Variants in SCN7A observed in about 807,000 individuals in gnomAD.
SCN7A encodes sodium voltage-gated channel alpha subunit 7, also known as sodium channel protein type 7 subunit alpha.
In SCN7A, 138 loss-of-function variants were observed where a neutral mutation model predicts 155.2. The observed-to-expected ratio is 0.89, with a 90% CI of 0.77 to 1.02. The LOEUF (loss-of-function observed/expected upper bound fraction) is 1.02. SCN7A is among the 50% of genes least tolerant of loss of function. The pLI is 0.00. For synonymous variants in SCN7A, 693 were observed against 649.0 expected, an observed-to-expected ratio of 1.07 and a Z score of -1.03; for missense variants, 2,058 against 1,986.6, an observed-to-expected ratio of 1.04 and a Z score of -0.68.
intron 19 of SCN7A, 109 bp downstream of exon 19, chr2:166,423,150 T>C: frequency 9.5e-7 from 1 of 1,057,872 alleles, no homozygotes; most frequent in South Asian, 1.6e-5. Flanking sequence ...ACCAACAATG[T>C]AGAGAGAGAG....
intron 15 of SCN7A, among the ~76,000 whole-genome samples, chr2:166,439,032 C>T (rs1192199555): frequency 7.5e-5 from 8 of 106,976 alleles, no homozygotes; most frequent in African/African-American, 2.4e-4. Flanking sequence ...CATACACACA[C>T]ATACATATAT....
At chr2:166,409,596 A>C in intron 25 of SCN7A, 69 bp downstream of exon 25, 1 of 1,183,486 alleles carries the variant, frequency 8.4e-7, no homozygotes, top group Non-Finnish European at 1.2e-6. Context: ...ACTATATTTC[A>C]TATTTACTGT....
At chr2:166,476,195 C>T (rs949107061) in intron 3 of SCN7A, among the ~76,000 whole-genome samples, 1 of 151,790 alleles carries the variant, frequency 6.6e-6, no homozygotes, top group Non-Finnish European at 1.5e-5. Context: ...ATACTGCAGT[C>T]ATTTAAGTTA....
chr2:166,429,299 A>C lies in SCN7A; in HGVS notation c.2593-25T>G, dbSNP rs747580124. The C allele has an allele frequency of 9.9e-6, 14 of 1,409,858 alleles. 1 individual carries two copies. In the South Asian group the frequency reaches 1.9e-4, roughly 19 times the overall value. 87.3% of individuals were successfully genotyped at this position (1,409,858 alleles called of 1,614,324 possible). A position where few individuals can be genotyped will look rare whatever the true frequency, so the allele number is the denominator to read the frequency against. On this transcript the variant is annotated intron_variant, in intron 16 of 25. Transcript: ENST00000643258. ...TCTAAAAGGTGAAGTCCCACCAAAA[A>C]AGTTGTGATTAAAGTTTCATTTACC...
In SCN7A at chr2:166,473,815, A is replaced by AT; in HGVS notation, c.426dup (p.Trp143MetfsTer16). 1 of 1,520,202 alleles carries AT rather than the reference A, an allele frequency of 6.6e-7. No individual in the cohort carries two copies. The highest frequency in any genetic ancestry group is 9.0e-7 in the Non-Finnish European group (1 of 1,117,296). The allele number at this position is 1,520,202 out of a possible 1,614,324, so 94.2% of individuals were successfully genotyped here. ...ATAACATACTCTAATACTGGTCTCCATTTTGGCAAATTAGTCAGGGACATG... is the reference window on the plus strand; with the variant it reads ...ATAACATACTCTAATACTGGTCTCCATTTTTGGCAAATTAGTCAGGGACATG... On this transcript the variant is annotated frameshift_variant, in exon 5 of 26. Transcript: ENST00000643258. LOFTEE classifies it high-confidence loss of function.
At chr2:166,436,810 C>T (rs10178010) in intron 15 of SCN7A, among the ~76,000 whole-genome samples, 16,639 of 152,096 alleles carry the variant, frequency 0.11, 1,198 homozygotes, top group African/African-American at 0.19. Context: ...TTTAGCTGTG[C>T]TTTAGCAAAG....
chr2:166,414,313 C>A (rs550049348), intron 21 of SCN7A, among the ~76,000 whole-genome samples: 7 of 62,422 alleles, frequency 1.1e-4, no homozygotes, highest in African/African-American at 4.9e-4. Context: ...TATATATATA[C>A]ACATATATAT....
intron 11 of SCN7A, among the ~76,000 whole-genome samples, chr2:166,453,117 C>T (rs996989769): frequency 6.6e-6 from 1 of 151,964 alleles, no homozygotes. Flanking sequence ...ATTTTAATAT[C>T]TTGTTTAATA....
chr2:166,466,385 A>G (rs181060009), intron 7 of SCN7A, among the ~76,000 whole-genome samples: 7 of 152,280 alleles, frequency 4.6e-5, no homozygotes, highest in Non-Finnish European at 1.0e-4. Flanking sequence ...CAGCAGTATT[A>G]TATGTTATTC....
In SCN7A at chr2:166,405,468, A is replaced by C. The variant is rs1051388802; in HGVS notation, c.*112T>G. ...AAGTCTTGTGAATACAAGCTTAATT[A>C]CCATCGGTTGTAAAGAACTGATTAT... On this transcript the variant is annotated 3_prime_UTR_variant, in exon 26 of 26. Coordinates refer to ENST00000643258, the MANE Select transcript of SCN7A (RefSeq NM_002976.4). 1.9e-5 allele frequency: 15 copies of C among 786,186 alleles called. No homozygotes were observed. In the African/African-American group the frequency reaches 2.6e-4, roughly 14 times the overall value. The allele number at this position is 786,186 out of a possible 1,614,324, so 48.7% of individuals were successfully genotyped here. A position where few individuals can be genotyped will look rare whatever the true frequency, so the allele number is the denominator to read the frequency against.
At chr2:166,436,327 T>C (rs935320335) in intron 15 of SCN7A, 1 of 374,480 alleles carries the variant, frequency 2.7e-6, no homozygotes, top group African/African-American at 2.1e-5. Flanking sequence ...TCTGATGGTT[T>C]TATAAGGGGC....
chr2:166,424,720 A>T (rs1701586001), intron 18 of SCN7A, among the ~76,000 whole-genome samples: 2 of 152,092 alleles, frequency 1.3e-5, no homozygotes, highest in African/African-American at 4.8e-5. Context: ...GATTTAACAC[A>T]TTATATCTAT....
intron 12 of SCN7A, among the ~76,000 whole-genome samples, chr2:166,445,765 C>G (rs965418827): frequency 2.6e-5 from 4 of 152,044 alleles, no homozygotes; most frequent in African/African-American, 9.7e-5. Context: ...TCGACAAAAA[C>G]AAGCGATGGG....
chr2:166,475,298 CAAT>C (rs1018595191), intron 3 of SCN7A, among the ~76,000 whole-genome samples: 70 of 148,284 alleles, frequency 4.7e-4, no homozygotes, highest in African/African-American at 1.5e-3. Context: ...TACTGAAACA[CAAT>C]AAATTATAGT....
rs1559081824 is a variant in SCN7A at position 166,405,626 on chromosome 2, T to C, written c.5003A>G (p.Tyr1668Cys). ...RDVHATKEGA[Y>C]FDKAKEKSPI... Reference sequence around the variant, plus strand: ...TGACTTTTCCTTAGCTTTGTCAAAATAGGCACCTTCTTTAGTAGCATGAAC... The same window carrying C: ...TGACTTTTCCTTAGCTTTGTCAAAACAGGCACCTTCTTTAGTAGCATGAAC... The change falls in exon 26 of 26, where the codon TAT (tyrosine) becomes TGT (cysteine). Residue 1668 changes from tyrosine to cysteine, a missense_variant. Coordinates refer to ENST00000643258, the MANE Select transcript of SCN7A (RefSeq NM_002976.4). The C allele has an allele frequency of 1.9e-6, 3 of 1,607,024 alleles. No individual in the cohort carries two copies. Among genetic ancestry groups the C allele is most frequent in the East Asian group, 4.5e-5 (2 of 44,788 alleles).
In SCN7A at chr2:166,406,778, A is replaced by G. The variant is rs890941642; in HGVS notation, c.3983-132T>C. 1.3e-5 allele frequency: 9 copies of G among 681,574 alleles called. No individual in the cohort carries two copies. The African/African-American group carries it at 1.5e-4, about 11-fold the overall frequency. 42.2% of individuals were successfully genotyped at this position (681,574 alleles called of 1,614,324 possible). A position where few individuals can be genotyped will look rare whatever the true frequency, so the allele number is the denominator to read the frequency against. On this transcript the variant is annotated intron_variant, in intron 25 of 25. Transcript: ENST00000643258. ...CTTTATTGATCCCTTCCATTTTACT[A>G]ATCATTCTCATTTAACAGTTAGCAT...
chr2:166,457,339 C>T (rs1430268493), intron 10 of SCN7A, among the ~76,000 whole-genome samples: 4 of 152,108 alleles, frequency 2.6e-5, no homozygotes, highest in Non-Finnish European at 5.9e-5. Flanking sequence ...GGTAAGTATT[C>T]GATTTTTATG....
chr2:166,430,324 G>A (rs2105408780), intron 16 of SCN7A, among the ~76,000 whole-genome samples: 1 of 151,934 alleles, frequency 6.6e-6, no homozygotes, highest in African/African-American at 2.4e-5. Context: ...AATAAAAAAA[G>A]TAAAGTATCC....
chr2:166,433,517 G>A (rs1701776170), intron 15 of SCN7A, among the ~76,000 whole-genome samples: 1 of 152,028 alleles, frequency 6.6e-6, no homozygotes, highest in African/African-American at 2.4e-5. Flanking sequence ...CTCTTTTACA[G>A]ATGAAAAAGG....
Sources: gnomAD v4.1 joint callset for allele counts (sites outside exome capture counted in the v4.1 genomes callset) on GRCh38, gnomAD v4.1.1 for gene constraint, MANE v1.5 for transcripts, NCBI Gene and HGNC (gene_info 2026-07-23, HGNC 2026-07-21) for gene names.